The following TJP1 variants were observed in gnomAD, a reference collection of about 807,000 sequenced individuals.
TJP1 encodes tight junction protein ZO-1.
Under a neutral mutation model 194.2 loss-of-function variants are expected in TJP1, and 43 were observed. The observed-to-expected ratio is 0.22, with a 90% CI of 0.17 to 0.29. The LOEUF (loss-of-function observed/expected upper bound fraction) is 0.29. TJP1 is among the 10% of genes least tolerant of loss of function. TJP1 has a pLI of 1.00. For missense variants in TJP1, 1,971 were observed against 2,185.7 expected, an observed-to-expected ratio of 0.90 and a Z score of 1.96; for synonymous variants, 801 against 779.0, an observed-to-expected ratio of 1.03 and a Z score of -0.47.
At chr15:29,835,903 G>C (rs2051010641) in intron 2 of TJP1, among the ~76,000 whole-genome samples, 2 of 137,482 alleles carry the variant, frequency 1.5e-5, no homozygotes, top group Non-Finnish European at 3.1e-5. Flanking sequence ...GAGAGAGAGA[G>C]AGACAGAGAG....
intron 2 of TJP1, among the ~76,000 whole-genome samples, chr15:29,879,128 A>T (rs560832339): frequency 6.6e-6 from 1 of 152,262 alleles, no homozygotes; most frequent in South Asian, 2.1e-4. Flanking sequence ...CGTCTCAAAA[A>T]AATAATAATA....
chr15:29,737,126 T>C (rs189923699), intron 11 of TJP1, 138 bp downstream of exon 11: 50 of 1,044,374 alleles, frequency 4.8e-5, no homozygotes, highest in Admixed American at 1.2e-4. Flanking sequence ...TGATGGATTT[T>C]GACTTTCAAA....
rs1566936511 is a variant in TJP1 at position 29,741,454 on chromosome 15, G to C, written c.1151-18C>G. On this transcript the variant is annotated intron_variant, in intron 9 of 27. Coordinates refer to ENST00000614355, the MANE Select transcript of TJP1 (RefSeq NM_001330239.4). The stretch of plus-strand genomic sequence containing the variant: ...CTTTGGTTCTAAGAAAAAAAAAATT[G>C]AGTAGGACTCACTTTAGAAAAACAT... 6.7e-7 allele frequency: 1 copy of C among 1,493,560 alleles called. No individual in the cohort carries two copies. The highest frequency in any genetic ancestry group is 9.3e-7 in the Non-Finnish European group (1 of 1,074,334). The allele number at this position is 1,493,560 out of a possible 1,614,324, so 92.5% of individuals were successfully genotyped here.
intron 2 of TJP1, among the ~76,000 whole-genome samples, chr15:29,878,135 C>T (rs774771952): frequency 6.6e-6 from 1 of 152,184 alleles, no homozygotes; most frequent in Non-Finnish European, 1.5e-5. Flanking sequence ...CTGCAAGCTC[C>T]GCCTCCCAGG....
intron 2 of TJP1, among the ~76,000 whole-genome samples, chr15:29,850,895 T>C (rs953952431): frequency 1.3e-5 from 2 of 152,056 alleles, no homozygotes; most frequent in African/African-American, 4.8e-5. Flanking sequence ...CCTAGCACTT[T>C]GGGAGGCCGA....
chr15:29,720,179 T>C (rs2042842553), intron 19 of TJP1, 163 bp from the exon 20 acceptor site: 9 of 1,147,254 alleles, frequency 7.8e-6, no homozygotes, highest in Middle Eastern at 3.0e-4. Context: ...TCCAGTACAT[T>C]GCTGTGTTAA....
chr15:29,773,216 A>G lies in TJP1; in HGVS notation c.209+17T>C, dbSNP rs1321616587. Reference sequence around the variant, plus strand: ...CACTGCTTGTTGCACAGTGCCCACGATAAGCAGCACTCTTACTGTAGCTGT... The same window carrying G: ...CACTGCTTGTTGCACAGTGCCCACGGTAAGCAGCACTCTTACTGTAGCTGT... On this transcript the variant is annotated intron_variant, in intron 3 of 27. Coordinates refer to ENST00000614355, the MANE Select transcript of TJP1 (RefSeq NM_001330239.4). 1 of 1,613,336 alleles carries G rather than the reference A, an allele frequency of 6.2e-7. No individual in the cohort carries two copies. The highest frequency in any genetic ancestry group is 8.5e-7 in the Non-Finnish European group (1 of 1,179,462).
chr15:29,752,723 T>A (rs1311246410), intron 8 of TJP1, among the ~76,000 whole-genome samples: 4 of 152,178 alleles, frequency 2.6e-5, no homozygotes, highest in Non-Finnish European at 5.9e-5. Context: ...AAATGTTAGA[T>A]AAAACATATT....
chr15:29,719,657 A>G (rs770067690), intron 20 of TJP1, 120 bp downstream of exon 20: 2 of 1,275,158 alleles, frequency 1.6e-6, no homozygotes, highest in Admixed American at 2.5e-5. Context: ...ATTTGAAAGC[A>G]TTACAGTGTA....
Position 29,711,649 on chromosome 15 carries a change from G to A in TJP1, c.4203-649C>T, listed in dbSNP as rs192159193. Among the ~76,000 whole-genome samples the A allele has an allele frequency of 3.7e-4, 57 of 152,280 alleles. 1 individual carries two copies. Among genetic ancestry groups the A allele is most frequent in the African/African-American group, 1.3e-3 (56 of 41,558 alleles). The stretch of plus-strand genomic sequence containing the variant: ...TTAAAAGTGCTGGGATTACAGGCAT[G>A]AGCCACCGCACCCGGCCCTAGACCC... On this transcript the variant is annotated intron_variant, in intron 23 of 27. Transcript: ENST00000614355.
chr15:29,948,745 G>A (rs182853816), intron 2 of TJP1, among the ~76,000 whole-genome samples: 2 of 152,178 alleles, frequency 1.3e-5, no homozygotes, highest in Non-Finnish European at 2.9e-5. Flanking sequence ...TCCTACTGCA[G>A]AACTTCTAGT....
At chr15:29,860,962 T>C (rs1203915966) in intron 2 of TJP1, among the ~76,000 whole-genome samples, 1 of 152,246 alleles carries the variant, frequency 6.6e-6, no homozygotes, top group Non-Finnish European at 1.5e-5. Context: ...AGTGTAATCA[T>C]AACTTTTATA....
At chr15:29,761,426 G>A (rs1243786186) in intron 7 of TJP1, 140 bp from the exon 8 acceptor site, 1 of 1,289,072 alleles carries the variant, frequency 7.8e-7, no homozygotes, top group Middle Eastern at 2.3e-4. Flanking sequence ...TCACCTGCCA[G>A]CAATCATATC....
rs76793664 is a variant in TJP1, at chr15:29,793,116, T to C, written c.84+7530A>G. On this transcript the variant is annotated intron_variant, in intron 2 of 27. Transcript: ENST00000614355. ...CCTTTTCTTTTCTTCTCCTGTTTAA[T>C]TGCTCTGGCTAGGACTTCCAGTACC... is the stretch of plus-strand genomic sequence containing the variant. Among the ~76,000 whole-genome samples, 294 of 152,328 alleles carry C rather than the reference T, an allele frequency of 1.9e-3. 2 individuals carry two copies. The highest frequency in any genetic ancestry group is 6.8e-3 in the Middle Eastern group (2 of 294).
exon 1 of TJP1, chr15:29,968,912 C>T: frequency 4.2e-6 from 1 of 236,192 alleles, no homozygotes; most frequent in Non-Finnish European, 6.8e-6. Context: ...GCAGCTGCGG[C>T]CGTGCGTGGC....
chr15:29,782,322 C>A (rs932621080), intron 2 of TJP1, among the ~76,000 whole-genome samples: 1 of 152,126 alleles, frequency 6.6e-6, no homozygotes, highest in African/African-American at 2.4e-5. Context: ...AGTAACCAAA[C>A]AGCATGGTAC....
At chr15:29,883,610 T>C (rs1474800937) in intron 2 of TJP1, among the ~76,000 whole-genome samples, 2 of 152,142 alleles carry the variant, frequency 1.3e-5, no homozygotes, top group Non-Finnish European at 2.9e-5. Context: ...CTCAGGATGA[T>C]TTAGTCTATT....
chr15:29,737,454 G>C (rs372252761), intron 10 of TJP1, 40 bp from the exon 11 acceptor site: 18 of 1,609,504 alleles, frequency 1.1e-5, no homozygotes, highest in Non-Finnish European at 1.5e-5. Context: ...GTTAAGAAGA[G>C]CTTAAAACGT....
At chr15:29,809,744 G>A (rs2049358689) in intron 1 of TJP1, among the ~76,000 whole-genome samples, 1 of 152,096 alleles carries the variant, frequency 6.6e-6, no homozygotes, top group Non-Finnish European at 1.5e-5. Flanking sequence ...TACTCAGGAG[G>A]CTGAGGCAGG....
Sources: allele counts gnomAD v4.1 joint callset (sites outside exome capture counted in the v4.1 genomes callset), GRCh38; gene constraint gnomAD v4.1.1; transcripts MANE v1.5; gene names NCBI Gene and HGNC (gene_info 2026-07-23, HGNC 2026-07-21).